The following COL1A2 variants were observed in gnomAD, a reference collection of about 807,000 sequenced individuals.
The protein encoded by COL1A2 is collagen type I alpha 2 chain.
COL1A2 carries 49 observed loss-of-function variants against 174.3 expected under a neutral mutation model. The observed-to-expected ratio is 0.28, with a 90% CI of 0.22 to 0.36. COL1A2 has a LOEUF of 0.36. Among genes scored for constraint, COL1A2 ranks in the 10% least tolerant of loss-of-function variants. The pLI, the probability that COL1A2 is intolerant of heterozygous loss-of-function variation, is 1.00. For synonymous variants in COL1A2, 655 were observed against 606.6 expected (o/e 1.08, Z -1.17); for missense variants, 1,438 against 1,822.7 (o/e 0.79, Z 3.84).
chr7:94,414,339 C>G, intron 29 of COL1A2, 64 bp downstream of exon 29: 1 of 1,335,918 alleles, frequency 7.5e-7, no homozygotes, highest in Non-Finnish European at 1.1e-6. Context: ...CTGTTTAATA[C>G]CCCACTGCTA....
intron 46 of COL1A2, 41 bp from the exon 47 acceptor site, chr7:94,426,967 A>T: frequency 6.3e-7 from 1 of 1,582,134 alleles, no homozygotes; most frequent in Non-Finnish European, 8.7e-7. Flanking sequence ...GTCTCTTGAC[A>T]TGTGCTCTGA....
chr7:94,419,809 A>T (rs917595984), intron 34 of COL1A2, among the ~76,000 whole-genome samples: 11 of 152,218 alleles, frequency 7.2e-5, no homozygotes, highest in Non-Finnish European at 1.5e-4. Flanking sequence ...TTGCGCATTA[A>T]CAATATCCTA....
Position 94,421,302 on chromosome 7 carries a change from T to A in COL1A2, c.2349+240T>A, listed in dbSNP as rs1036181520. 14 of 578,114 alleles carry A rather than the reference T, an allele frequency of 2.4e-5. No homozygotes were observed. In the African/African-American group the frequency reaches 2.4e-4, roughly 10 times the overall value. 35.8% of individuals were successfully genotyped at this position (578,114 alleles called of 1,614,324 possible). ...AGGTGGGCCCTAGGCAGTTTAATTG[T>A]AAAGTCGGAAAAAATATTCCTTTTG... On this transcript the variant is annotated intron_variant, in intron 38 of 51. Transcript: ENST00000297268.
chr7:94,429,619 G>C, intron 51 of COL1A2, 189 bp downstream of exon 51: 2 of 580,598 alleles, frequency 3.4e-6, no homozygotes, highest in Non-Finnish European at 5.9e-6. Flanking sequence ...TATTAATTTC[G>C]TACTTAAATT....
At chr7:94,413,768 C>T (rs1255884743) in intron 27 of COL1A2, 25 bp downstream of exon 27, 1 of 1,613,358 alleles carries the variant, frequency 6.2e-7, no homozygotes, top group Non-Finnish European at 8.5e-7. Context: ...CACTCTTGTG[C>T]TCTTCTGCAC....
Position 94,412,473 on chromosome 7 carries a change from G to T in COL1A2, c.1405-111G>T, listed in dbSNP as rs1791948752. 3 of 820,346 alleles carry T rather than the reference G, an allele frequency of 3.7e-6. No individual in the cohort carries two copies. The African/African-American group carries it at 5.1e-5, about 14-fold the overall frequency. 50.8% of individuals were successfully genotyped at this position (820,346 alleles called of 1,614,324 possible). A position where few individuals can be genotyped will look rare whatever the true frequency, so the allele number is the denominator to read the frequency against. ...CATAATTTATTAACGCTTTATACAA[G>T]AAGCTCTATGCATTCAGAAAACTAT... On this transcript the variant is annotated intron_variant, in intron 24 of 51. Transcript: ENST00000297268.
At chr7:94,416,144 T>G (rs1562903602) in intron 30 of COL1A2, among the ~76,000 whole-genome samples, 2 of 152,158 alleles carry the variant, frequency 1.3e-5, no homozygotes, top group Non-Finnish European at 2.9e-5. Context: ...GGGAATGAAT[T>G]GCAAAAATTG....
At chr7:94,415,408 C>A in intron 30 of COL1A2, 138 bp downstream of exon 30, 1 of 760,412 alleles carries the variant, frequency 1.3e-6, no homozygotes. Context: ...CTGTAGAAAG[C>A]ATTAGATTTC....
At chr7:94,408,708 T>G in intron 15 of COL1A2, 62 bp from the exon 16 acceptor site, 4 of 1,548,468 alleles carry the variant, frequency 2.6e-6, no homozygotes, top group East Asian at 2.2e-5. Context: ...TCTTCTGCCA[T>G]TGTTATTGTT....
rs774383359 is a variant in COL1A2, at chr7:94,404,735, C to T, written c.367C>T (p.Pro123Ser). ...FQGPAGEPGE[P>S]GQTGPAGARG... ...AGGACCTGCTGGTGAGCCTGGTGAA[C>T]CTGGTCAAACTGTGAGTACATTTTT... The change falls in exon 8 of 52, where the codon CCT becomes TCT. Residue 123 changes from proline (P) to serine (S), a missense_variant. Physicochemically the swap from Pro to Ser is moderately conservative, Grantham distance 74. Transcript: ENST00000297268. The T allele has an allele frequency of 2.5e-6, 4 of 1,614,064 alleles. No individual in the cohort carries two copies. Among genetic ancestry groups the T allele is most frequent in the Non-Finnish European group, 3.4e-6 (4 of 1,179,992 alleles).
intron 40 of COL1A2, chr7:94,424,120 AT>A (rs961016583): frequency 1.9e-6 from 1 of 534,950 alleles, no homozygotes; most frequent in Non-Finnish European, 3.4e-6. Context: ...ATGTTGTGCC[AT>A]TGGTCTCAAG....
chr7:94,420,118 A>C (rs1032558482), intron 34 of COL1A2, 115 bp from the exon 35 acceptor site: 89 of 1,322,660 alleles, frequency 6.7e-5, no homozygotes, highest in Non-Finnish European at 9.5e-5. Flanking sequence ...TGCGTCAGTT[A>C]TCTCTTCCAA....
At chr7:94,422,797 A>G in intron 39 of COL1A2, 160 bp from the exon 40 acceptor site, 1 of 923,912 alleles carries the variant, frequency 1.1e-6, no homozygotes, top group Non-Finnish European at 1.7e-6. Context: ...TTCTTTCTGC[A>G]AGAAAGAAGG....
chr7:94,412,987 A>G (rs1791959644), intron 25 of COL1A2, 96 bp from the exon 26 acceptor site: 2 of 1,247,594 alleles, frequency 1.6e-6, no homozygotes, highest in African/African-American at 1.5e-5. Context: ...AAAGAACACA[A>G]AAACAAGCAG....
chr7:94,422,978 C>A lies in COL1A2; in HGVS notation c.2425C>A (p.Pro809Thr). Residue 809 changes from proline to threonine, a missense_variant, in exon 40 of 52, where the codon CCC becomes ACC. Physicochemically the swap from Pro to Thr is conservative, Grantham distance 38. Coordinates refer to ENST00000297268, the MANE Select transcript of COL1A2 (RefSeq NM_000089.4). ...ATAGGGTATTTCTGGCCCTCCTGGT[C>A]CCCCTGGTCCTGCTGGGAAAGAAGG... ...GPSGISGPPG[P>T]PGPAGKEGLR... 1 of 1,614,064 alleles carries A rather than the reference C, an allele frequency of 6.2e-7. No individual in the cohort carries two copies. The highest frequency in any genetic ancestry group is 2.2e-5 in the East Asian group (1 of 44,876).
rs1439718001 is a variant in COL1A2, at chr7:94,431,226, A to T, written c.*833A>T. 6.5e-6 allele frequency: 1 copy of T among 152,694 alleles called. No individual in the cohort carries two copies. The allele number at this position is 152,694 out of a possible 1,614,324, so 9.5% of individuals were successfully genotyped here. A position where few individuals can be genotyped will look rare whatever the true frequency, so the allele number is the denominator to read the frequency against. Reference sequence around the variant, plus strand: ...TAAAGCATGTTTGGTTTTCCAAAAGAACATATTGAGTAAAATTCCTTGCTT... The same window carrying T: ...TAAAGCATGTTTGGTTTTCCAAAAGTACATATTGAGTAAAATTCCTTGCTT... On this transcript the variant is annotated 3_prime_UTR_variant, in exon 52 of 52. Transcript: ENST00000297268.
At chr7:94,420,883 C>A in intron 37 of COL1A2, 126 bp from the exon 38 acceptor site, 1 of 1,011,404 alleles carries the variant, frequency 9.9e-7, no homozygotes, top group Non-Finnish European at 1.5e-6. Context: ...AACATTCTGA[C>A]ACAGATAGTC....
rs748151872 is a variant in COL1A2 at position 94,423,133 on chromosome 7, A to G, written c.2565+15A>G. On this transcript the variant is annotated intron_variant, in intron 40 of 51. Transcript: ENST00000297268. The stretch of plus-strand genomic sequence containing the variant: ...CTGGTACTGCTGTAAGTGATTTCCA[A>G]CTCCTCTTTCTTAATACCTTATGCT... 10 of 1,613,298 alleles carry G rather than the reference A, an allele frequency of 6.2e-6. No individual in the cohort carries two copies. In the East Asian group the frequency reaches 8.9e-5, roughly 14 times the overall value.
intron 31 of COL1A2, chr7:94,417,489 T>A: frequency 1.9e-6 from 1 of 529,334 alleles, no homozygotes; most frequent in Non-Finnish European, 3.5e-6. Flanking sequence ...TGAAGCAGGT[T>A]ATAGAGGAAT....
Sources: gnomAD v4.1 joint callset for allele counts (sites outside exome capture counted in the v4.1 genomes callset) on GRCh38, gnomAD v4.1.1 for gene constraint, MANE v1.5 for transcripts, NCBI Gene and HGNC (gene_info 2026-07-23, HGNC 2026-07-21) for gene names.